Variants in ITGA8 observed in about 807,000 individuals in gnomAD.
The protein encoded by ITGA8 is integrin alpha-8.
A neutral mutation model predicts 142.3 loss-of-function variants in ITGA8; 91 were observed. The observed-to-expected ratio is 0.64, with a 90% CI of 0.54 to 0.76. The LOEUF is 0.76. Among genes scored for constraint, ITGA8 ranks in the 30% least tolerant of loss-of-function variants. ITGA8 has a pLI of 0.00. For synonymous variants in ITGA8, 505 were observed against 485.2 expected (o/e 1.04, Z -0.54); for missense variants, 1,406 against 1,327.7 (o/e 1.06, Z -0.92).
intron 22 of ITGA8, among the ~76,000 whole-genome samples, chr10:15,587,388 G>C (rs1432070727): frequency 6.6e-6 from 1 of 152,134 alleles, no homozygotes; most frequent in Non-Finnish European, 1.5e-5. Context: ...TGCTAATAAA[G>C]AGAAGAACTG....
chr10:15,549,193 T>C (rs902299552), intron 26 of ITGA8, among the ~76,000 whole-genome samples: 5 of 122,094 alleles, frequency 4.1e-5, no homozygotes, highest in Non-Finnish European at 6.7e-5. Flanking sequence ...TTTTTTCTTT[T>C]CTTTTCTGTT....
intron 13 of ITGA8, among the ~76,000 whole-genome samples, chr10:15,635,436 G>A (rs1020354384): frequency 6.6e-6 from 1 of 152,166 alleles, no homozygotes; most frequent in Non-Finnish European, 1.5e-5. Flanking sequence ...CCTGGGAGGA[G>A]TAATCCATGC....
At chr10:15,655,698 CT>C (rs1249141577) in intron 10 of ITGA8, among the ~76,000 whole-genome samples, 2 of 152,192 alleles carry the variant, frequency 1.3e-5, no homozygotes, top group African/African-American at 4.8e-5. Context: ...CTAAATCTGG[CT>C]CTTCCATAAC....
intron 25 of ITGA8, among the ~76,000 whole-genome samples, chr10:15,560,090 C>T (rs1403427662): frequency 2.0e-5 from 3 of 151,948 alleles, no homozygotes; most frequent in African/African-American, 4.8e-5. Flanking sequence ...TGAGACCAGA[C>T]TGGGCAACAT....
intron 13 of ITGA8, among the ~76,000 whole-genome samples, chr10:15,633,317 A>G (rs1406453408): frequency 6.6e-6 from 1 of 152,236 alleles, no homozygotes; most frequent in Non-Finnish European, 1.5e-5. Flanking sequence ...AAAAAAATAA[A>G]GAAGGTATGG....
chr10:15,557,091 C>A (rs1043070292), intron 26 of ITGA8, among the ~76,000 whole-genome samples: 1 of 152,134 alleles, frequency 6.6e-6, no homozygotes, highest in South Asian at 2.1e-4. Context: ...ATCAAAAATG[C>A]TGACTCTGAC....
intron 11 of ITGA8, among the ~76,000 whole-genome samples, chr10:15,648,608 T>G (rs968603434): frequency 6.6e-6 from 1 of 151,926 alleles, no homozygotes; most frequent in Non-Finnish European, 1.5e-5. Context: ...CCATATCAAG[T>G]GGCTCATACA....
intron 27 of ITGA8, among the ~76,000 whole-genome samples, chr10:15,546,858 AAGGGAAATGAAGG>A (rs1833682181): frequency 5.9e-5 from 8 of 135,956 alleles, no homozygotes; most frequent in African/African-American, 3.0e-4. Context: ...AAATGAGGGG[AAGGGAAATGAAGG>A]GAAGGGAAGG....
intron 11 of ITGA8, 109 bp downstream of exon 11, chr10:15,655,245 C>A: frequency 4.4e-6 from 3 of 675,424 alleles, no homozygotes; most frequent in East Asian, 2.9e-5. Context: ...AACAAGAGAG[C>A]CTCTATCTTG....
intron 20 of ITGA8, among the ~76,000 whole-genome samples, chr10:15,600,821 G>A (rs904573942): frequency 3.3e-5 from 5 of 152,188 alleles, no homozygotes; most frequent in African/African-American, 1.2e-4. Context: ...GATGGACTCA[G>A]TCCACAATCT....
rs7083600 is a variant in ITGA8, at chr10:15,616,660, T to C, written c.1400-101A>G. 0.23 allele frequency: 217,444 copies of C among 947,760 alleles called. 26,122 individuals are homozygous for C. Among genetic ancestry groups the C allele is most frequent in the Admixed American group, 0.36 (20,435 of 56,610 alleles). 58.7% of individuals were successfully genotyped at this position (947,760 alleles called of 1,614,324 possible). On this transcript the variant is annotated intron_variant, in intron 13 of 29. Transcript: ENST00000378076. ...CACATAGAATACCCCTACATGCTGATGGTACGAGAGCCACAAAATTAGAAG... is the reference window on the plus strand; with the variant it reads ...CACATAGAATACCCCTACATGCTGACGGTACGAGAGCCACAAAATTAGAAG...
intron 28 of ITGA8, among the ~76,000 whole-genome samples, chr10:15,529,127 C>A (rs1588626096): frequency 6.6e-6 from 1 of 151,904 alleles, no homozygotes; most frequent in East Asian, 1.9e-4. Flanking sequence ...AGGTCTCGCC[C>A]AGGTTGAGTG....
intron 20 of ITGA8, among the ~76,000 whole-genome samples, chr10:15,602,455 G>T (rs1388185016): frequency 6.6e-6 from 1 of 152,046 alleles, no homozygotes; most frequent in Non-Finnish European, 1.5e-5. Flanking sequence ...TCACATAATT[G>T]GCGGGGCAAG....
Position 15,700,734 on chromosome 10 carries a change from A to G in ITGA8, c.344-12696T>C, listed in dbSNP as rs140382380. On this transcript the variant is annotated intron_variant, in intron 2 of 29. Coordinates refer to ENST00000378076, the MANE Select transcript of ITGA8 (RefSeq NM_003638.3). Reference sequence around the variant, plus strand: ...ACAAATCAGCAAGAAAAAAACAAACAATCCCATCAAAAAGTGGGCTGAGGA... The same window carrying G: ...ACAAATCAGCAAGAAAAAAACAAACGATCCCATCAAAAAGTGGGCTGAGGA... 1.5e-3 allele frequency among the ~76,000 whole-genome samples: 229 copies of G among 152,236 alleles called. 1 individual carries two copies. Among genetic ancestry groups the G allele is most frequent in the African/African-American group, 4.6e-3 (191 of 41,528 alleles).
chr10:15,710,821 G>T (rs931102014), intron 2 of ITGA8, among the ~76,000 whole-genome samples: 8 of 152,310 alleles, frequency 5.3e-5, no homozygotes, highest in Non-Finnish European at 5.9e-5. Context: ...GAGATGCTGC[G>T]TATAGCGTGG....
At chr10:15,716,483 A>G (rs944284874) in intron 2 of ITGA8, among the ~76,000 whole-genome samples, 5 of 152,136 alleles carry the variant, frequency 3.3e-5, no homozygotes, top group African/African-American at 1.2e-4. Flanking sequence ...TTAATTGCCA[A>G]CTTGTTCTAG....
intron 13 of ITGA8, among the ~76,000 whole-genome samples, chr10:15,639,155 G>A (rs1369055226): frequency 1.3e-5 from 2 of 151,354 alleles, no homozygotes; most frequent in Non-Finnish European, 2.9e-5. Context: ...AGTTGCCCCT[G>A]CCCCTTCCTG....
chr10:15,576,091 G>C (rs905806955), intron 23 of ITGA8, among the ~76,000 whole-genome samples: 2 of 152,064 alleles, frequency 1.3e-5, no homozygotes, highest in Non-Finnish European at 2.9e-5. Flanking sequence ...CAGTTATGAA[G>C]AAATATAGTT....
At chr10:15,568,641 C>T (rs559303442) in intron 25 of ITGA8, among the ~76,000 whole-genome samples, 1 of 152,222 alleles carries the variant, frequency 6.6e-6, no homozygotes, top group South Asian at 2.1e-4. Flanking sequence ...AGATGTTTGG[C>T]ATTCAGAATG....
Sources: allele counts gnomAD v4.1 joint callset (sites outside exome capture counted in the v4.1 genomes callset), GRCh38; gene constraint gnomAD v4.1.1; transcripts MANE v1.5; gene names NCBI Gene and HGNC (gene_info 2026-07-23, HGNC 2026-07-21).